The following ANO2 variants were observed in gnomAD, a reference collection of about 807,000 sequenced individuals.
ANO2 encodes the protein anoctamin 2, also known as anoctamin-2.
ANO2 carries 101 observed loss-of-function variants against 124.2 expected under a neutral mutation model. That is an observed-to-expected ratio of 0.81 (90% CI 0.69 to 0.96). ANO2 has a LOEUF of 0.96. ANO2 is among the 40% of genes least tolerant of loss of function. The probability of loss-of-function intolerance (pLI) is 0.00; values close to 1 mark genes in which losing one functional copy is unlikely to be tolerated. For missense variants in ANO2, 1,293 were observed against 1,274.5 expected (o/e 1.01, Z -0.22); for synonymous variants, 486 against 482.5 (o/e 1.01, Z -0.09).
chr12:5,835,716 T>G (rs926131513), intron 4 of ANO2, among the ~76,000 whole-genome samples: 2 of 152,222 alleles, frequency 1.3e-5, no homozygotes, highest in East Asian at 1.9e-4. Context: ...TGAGTTGTCA[T>G]GGGAAAAGCA....
chr12:5,680,334 C>T (rs1161155156), intron 14 of ANO2, among the ~76,000 whole-genome samples: 1 of 152,056 alleles, frequency 6.6e-6, no homozygotes, highest in Non-Finnish European at 1.5e-5. Flanking sequence ...CCTGCACCCA[C>T]TTTTGGAGTT....
chr12:5,819,290 G>A, intron 7 of ANO2, among the ~76,000 whole-genome samples: 1 of 152,168 alleles, frequency 6.6e-6, no homozygotes, highest in South Asian at 2.1e-4. Context: ...ACGAGAAGGT[G>A]CACTACATTA....
At chr12:5,941,349 A>T (rs1332289352) in intron 1 of ANO2, among the ~76,000 whole-genome samples, 1 of 152,212 alleles carries the variant, frequency 6.6e-6, no homozygotes, top group Non-Finnish European at 1.5e-5. Context: ...TGGGATTAAC[A>T]GCAAACTGGA....
At chr12:5,877,976 C>G (rs1025623245) in intron 3 of ANO2, among the ~76,000 whole-genome samples, 1 of 152,218 alleles carries the variant, frequency 6.6e-6, no homozygotes, top group African/African-American at 2.4e-5. Flanking sequence ...CCTCCACTAC[C>G]GGCCCACGGC....
intron 1 of ANO2, among the ~76,000 whole-genome samples, chr12:5,937,639 T>C (rs1156390243): frequency 6.6e-6 from 1 of 151,878 alleles, no homozygotes; most frequent in Non-Finnish European, 1.5e-5. Context: ...ATCGAGGGGG[T>C]TGGAATTTTT....
At chr12:5,784,544 C>A (rs1398808019) in intron 10 of ANO2, among the ~76,000 whole-genome samples, 1 of 152,206 alleles carries the variant, frequency 6.6e-6, no homozygotes, top group Non-Finnish European at 1.5e-5. Context: ...GCCAGGCAAA[C>A]TTAAGTCCCC....
At chr12:5,576,127 C>A in intron 22 of ANO2, 112 bp from the exon 23 acceptor site, 1 of 1,098,232 alleles carries the variant, frequency 9.1e-7, no homozygotes, top group Non-Finnish European at 1.2e-6. Flanking sequence ...GAAGCTCATG[C>A]AGCATGATCA....
chr12:5,716,250 G>T (rs578107001), intron 14 of ANO2, among the ~76,000 whole-genome samples: 69 of 152,282 alleles, frequency 4.5e-4, no homozygotes, highest in African/African-American at 1.6e-3. Context: ...CTCCTTGAAG[G>T]AGGATGTGCT....
chr12:5,669,350 T>C (rs1236191963), intron 14 of ANO2, among the ~76,000 whole-genome samples: 3 of 152,010 alleles, frequency 2.0e-5, no homozygotes, highest in Non-Finnish European at 4.4e-5. Context: ...TTGTCTGTTG[T>C]TGGTGTATAG....
At chr12:5,714,757 C>T (rs750149694) in intron 14 of ANO2, among the ~76,000 whole-genome samples, 3 of 152,158 alleles carry the variant, frequency 2.0e-5, no homozygotes, top group African/African-American at 4.8e-5. Flanking sequence ...TTCAAAGGTG[C>T]CCAGTTTGGA....
rs958883664 is a variant in ANO2, at chr12:5,744,606, T to C, written c.1191-289A>G. 3.9e-5 allele frequency among the ~76,000 whole-genome samples: 6 copies of C among 152,156 alleles called. No individual in the cohort carries two copies. The East Asian group carries it at 9.7e-4, about 24-fold the overall frequency. On this transcript the variant is annotated intron_variant, in intron 11 of 24. Transcript: ENST00000682330. ...ACATTGAGCATTAAATGATGCCTCA[T>C]AAAGTCCCTTCAGAACATCTGGGGT... is the stretch of plus-strand genomic sequence containing the variant.
At position 5,615,216 on chromosome 12, in the gene ANO2, G is replaced by A. The variant is rs1266524751; in HGVS notation, c.1898C>T (p.Pro633Leu). 6.2e-7 allele frequency: 1 copy of A among 1,613,680 alleles called. No homozygotes were observed. Among genetic ancestry groups the A allele is most frequent in the Admixed American group, 1.7e-5 (1 of 60,002 alleles). ...FLLKFVNAYS[P>L]IFYVAFFKGR... ...TTTGAAAAAGGCCACATAGAAGATG[G>A]GGGAGTAGGCATTGACAAACTTGAG... Residue 633 changes from proline (P) to leucine (L), a missense_variant, in exon 17 of 25, where the codon CCC becomes CTC. Physicochemically the swap from Pro to Leu is moderately conservative, Grantham distance 98 (BLOSUM62 -3). Transcript: ENST00000682330.
At chr12:5,647,248 C>T (rs1946685973) in intron 15 of ANO2, among the ~76,000 whole-genome samples, 1 of 152,206 alleles carries the variant, frequency 6.6e-6, no homozygotes, top group African/African-American at 2.4e-5. Flanking sequence ...TGAGCTTTCC[C>T]TGACGCAGCT....
At chr12:5,647,671 C>T (rs1946713007) in intron 15 of ANO2, 56 bp downstream of exon 15, 3 of 1,313,096 alleles carry the variant, frequency 2.3e-6, no homozygotes, top group African/African-American at 1.4e-5. Context: ...ACAGTAGTCA[C>T]ATAACAGCAT....
At chr12:5,874,744 A>T (rs1345628856) in intron 3 of ANO2, among the ~76,000 whole-genome samples, 1 of 152,174 alleles carries the variant, frequency 6.6e-6, no homozygotes, top group African/African-American at 2.4e-5. Flanking sequence ...TGTTAGTTGT[A>T]CATATGGAAA....
chr12:5,873,647 G>A (rs895482856), intron 3 of ANO2, among the ~76,000 whole-genome samples: 9 of 152,334 alleles, frequency 5.9e-5, no homozygotes, highest in Middle Eastern at 3.4e-3. Flanking sequence ...CAGTCTTTCC[G>A]TCAACACGTC....
chr12:5,575,959 G>A lies in ANO2; in HGVS notation c.2496C>T (p.Ser832=), dbSNP rs1483139949. ...CGTGCAGAGTCCCATTGTGACTGTA[G>A]GAGTACTGGTACACCAGGCGGGGGA... The part of the protein sequence containing the change: ...DFIPRLVYQY[S]YSHNGTLHGF... The change falls in exon 23 of 25, where the codon TCC becomes TCT. Residue 832 remains serine (S), a synonymous_variant. Transcript: ENST00000682330. The A allele has an allele frequency of 6.2e-7, 1 of 1,613,088 alleles. No homozygotes were observed.
intron 20 of ANO2, among the ~76,000 whole-genome samples, chr12:5,585,779 T>G (rs546180516): frequency 1.3e-5 from 2 of 152,318 alleles, no homozygotes; most frequent in East Asian, 3.9e-4. Flanking sequence ...CCAGTCATGA[T>G]TGGAATGAAG....
intron 24 of ANO2, chr12:5,564,550 G>A (rs1941633450): frequency 1.3e-5 from 2 of 152,294 alleles, no homozygotes; most frequent in Non-Finnish European, 2.9e-5. Flanking sequence ...GGGGTTCAGG[G>A]GAAGACACTG....
Sources: allele counts gnomAD v4.1 joint callset (sites outside exome capture counted in the v4.1 genomes callset), GRCh38; gene constraint gnomAD v4.1.1; transcripts MANE v1.5; gene names NCBI Gene and HGNC (gene_info 2026-07-23, HGNC 2026-07-21).